EEFSEC: variants seen among roughly 807,000 people sequenced by gnomAD.
EEFSEC encodes eukaryotic elongation factor, selenocysteine-tRNA specific.
In EEFSEC, 43 loss-of-function variants were observed where a neutral mutation model predicts 42.1. The ratio of observed to expected loss-of-function variants is 1.02; its 90% confidence interval spans 0.80 to 1.32. The LOEUF (loss-of-function observed/expected upper bound fraction) is 1.32. Ranked by LOEUF, EEFSEC falls within the 40% of genes most tolerant of loss-of-function variation. EEFSEC has a pLI of 0.00. For missense variants in EEFSEC, 745 were observed against 803.6 expected (o/e 0.93, Z 0.88); for synonymous variants, 354 against 339.1 (o/e 1.04, Z -0.48).
chr3:128,311,370 G>C (rs1011082510), intron 4 of EEFSEC, among the ~76,000 whole-genome samples: 5 of 152,234 alleles, frequency 3.3e-5, no homozygotes, highest in Non-Finnish European at 7.3e-5. Flanking sequence ...GAAGAAGCAT[G>C]GACATGTTAA....
intron 1 of EEFSEC, among the ~76,000 whole-genome samples, chr3:128,241,929 A>G (rs2066075686): frequency 6.6e-6 from 1 of 152,252 alleles, no homozygotes; most frequent in Non-Finnish European, 1.5e-5. Flanking sequence ...AATGGTCATA[A>G]TAATAGTAGG....
At chr3:128,386,265 G>T (rs1300076667) in intron 6 of EEFSEC, among the ~76,000 whole-genome samples, 4 of 152,152 alleles carry the variant, frequency 2.6e-5, no homozygotes, top group African/African-American at 9.7e-5. Flanking sequence ...ACCCCAGGGA[G>T]AGAAAGAATG....
chr3:128,333,350 T>C (rs1186805377), intron 4 of EEFSEC, among the ~76,000 whole-genome samples: 33 of 152,232 alleles, frequency 2.2e-4, no homozygotes, highest in Non-Finnish European at 4.6e-4. Context: ...GTGTGGGCTG[T>C]CCATTTCTTA....
chr3:128,262,159 G>A lies in EEFSEC; in HGVS notation c.556G>A (p.Ala186Thr), dbSNP rs1465492780. 6 of 1,614,022 alleles carry A rather than the reference G, an allele frequency of 3.7e-6. No individual in the cohort carries two copies. Among genetic ancestry groups the A allele is most frequent in the East Asian group, 2.2e-5 (1 of 44,894 alleles). Residue 186 changes from alanine (A) to threonine (T), a missense_variant, in exon 3 of 7, where the codon GCC becomes ACC. Ala to Thr is a moderately conservative substitution (Grantham distance 58). Coordinates refer to ENST00000254730, the MANE Select transcript of EEFSEC (RefSeq NM_021937.5). ...FRGAPIIPVA[A>T]KPGGPEAPET... ...AGGTGCACCGATTATACCCGTGGCG[G>A]CCAAGCCGGGGGGACCAGAGGCCCC... is the stretch of plus-strand genomic sequence containing the variant.
chr3:128,362,815 T>C (rs913057815), intron 6 of EEFSEC, among the ~76,000 whole-genome samples: 1 of 152,224 alleles, frequency 6.6e-6, no homozygotes, highest in Non-Finnish European at 1.5e-5. Flanking sequence ...CAGCGGGTGC[T>C]GCTCACGTGC....
chr3:128,172,510 G>A (rs545000562), intron 1 of EEFSEC, among the ~76,000 whole-genome samples: 21 of 152,274 alleles, frequency 1.4e-4, no homozygotes, highest in Admixed American at 6.5e-4. Flanking sequence ...TGTTGCGCAG[G>A]TTGGTCTCAA....
intron 1 of EEFSEC, among the ~76,000 whole-genome samples, chr3:128,169,267 A>T (rs1357329264): frequency 6.6e-6 from 1 of 152,156 alleles, no homozygotes; most frequent in South Asian, 2.1e-4. Context: ...GGTGTTCCAG[A>T]CCAAAGGTGT....
chr3:128,417,173 G>A, the EEFSEC span, among the ~76,000 whole-genome samples: 9 of 152,076 alleles, frequency 5.9e-5, no homozygotes, highest in South Asian at 8.3e-4. This position sits in a 1 kb window ranked among gnomAD's most constrained non-coding sequence, Gnocchi z 4.3. Context: ...GGCTGCAGCC[G>A]GAGAATCCTG....
intron 5 of EEFSEC, among the ~76,000 whole-genome samples, chr3:128,353,946 G>A (rs180994951): frequency 1.4e-4 from 21 of 152,276 alleles, no homozygotes; most frequent in East Asian, 5.8e-4. Flanking sequence ...AGCAGAGTGC[G>A]AAGGATTGGG....
At chr3:128,200,842 C>T (rs895656298) in intron 1 of EEFSEC, among the ~76,000 whole-genome samples, 2 of 152,226 alleles carry the variant, frequency 1.3e-5, no homozygotes, top group Admixed American at 6.5e-5. Context: ...TTTTTCAGGA[C>T]ATCTGTGGTC....
At chr3:128,159,778 C>T (rs538581257) in intron 1 of EEFSEC, among the ~76,000 whole-genome samples, 1 of 152,304 alleles carries the variant, frequency 6.6e-6, no homozygotes, top group South Asian at 2.1e-4. Context: ...GCTTTAATGG[C>T]ACCTCCTCAG....
intron 1 of EEFSEC, among the ~76,000 whole-genome samples, chr3:128,224,882 C>T (rs1312702526): frequency 6.6e-6 from 1 of 152,232 alleles, no homozygotes; most frequent in Non-Finnish European, 1.5e-5. Flanking sequence ...TCCTTCATGT[C>T]GATGAGGAGC....
intron 1 of EEFSEC, among the ~76,000 whole-genome samples, chr3:128,180,735 G>C (rs1025615371): frequency 3.3e-5 from 5 of 152,220 alleles, no homozygotes; most frequent in Admixed American, 1.3e-4. Context: ...CAGGTCCAGA[G>C]CCAGCAGAAC....
At chr3:128,318,575 G>A (rs1356862241) in intron 4 of EEFSEC, among the ~76,000 whole-genome samples, 1 of 152,190 alleles carries the variant, frequency 6.6e-6, no homozygotes, top group Non-Finnish European at 1.5e-5. Flanking sequence ...GAAATGGCGG[G>A]CCCCTCCCTA....
chr3:128,236,383 G>C (rs562417294), intron 1 of EEFSEC, among the ~76,000 whole-genome samples: 1 of 152,230 alleles, frequency 6.6e-6, no homozygotes, highest in African/African-American at 2.4e-5. Context: ...CTAGTTCTGC[G>C]ACCCGTGACT....
At chr3:128,226,315 G>C (rs2065906965) in intron 1 of EEFSEC, among the ~76,000 whole-genome samples, 1 of 152,218 alleles carries the variant, frequency 6.6e-6, no homozygotes, top group African/African-American at 2.4e-5. Context: ...AGCATTTTCT[G>C]TTCCTTGGGT....
At chr3:128,352,054 T>C (rs2067393194) in intron 5 of EEFSEC, among the ~76,000 whole-genome samples, 1 of 152,246 alleles carries the variant, frequency 6.6e-6, no homozygotes, top group African/African-American at 2.4e-5. Context: ...GTCTGATCTC[T>C]GAGGTCTCTT....
At chr3:128,289,321 T>C (rs2066619016) in intron 4 of EEFSEC, among the ~76,000 whole-genome samples, 1 of 152,222 alleles carries the variant, frequency 6.6e-6, no homozygotes, top group Non-Finnish European at 1.5e-5. Context: ...CTCATGCCTT[T>C]CTTTCTGCAT....
At chr3:128,304,660 C>G (rs1211862663) in intron 4 of EEFSEC, among the ~76,000 whole-genome samples, 1 of 151,280 alleles carries the variant, frequency 6.6e-6, no homozygotes, top group African/African-American at 2.4e-5. Context: ...CTTAGTAGTT[C>G]TAGAACAATG....
Sources: gnomAD v4.1 joint callset for allele counts (sites outside exome capture counted in the v4.1 genomes callset) on GRCh38, gnomAD v4.1.1 for gene constraint, Gnocchi (gnomAD v3.1) non-coding constraint, MANE v1.5 for transcripts, NCBI Gene and HGNC (gene_info 2026-07-23, HGNC 2026-07-21) for gene names.